KCNQ5: variants seen among roughly 807,000 people sequenced by gnomAD.
The protein encoded by KCNQ5 is potassium voltage-gated channel subfamily KQT member 5.
KCNQ5 carries 30 observed loss-of-function variants against 98.2 expected under a neutral mutation model. The observed-to-expected ratio is 0.31, with a 90% confidence interval of 0.23 to 0.41. The LOEUF (loss-of-function observed/expected upper bound fraction) is 0.41. KCNQ5 is among the 10% of genes least tolerant of loss of function. KCNQ5 has a pLI of 1.00. For synonymous variants in KCNQ5, 458 were observed against 449.4 expected, an observed-to-expected ratio of 1.02 and a Z score of -0.24; for missense variants, 835 against 1,182.5, an observed-to-expected ratio of 0.71 and a Z score of 4.31.
chr6:72,689,325 C>G (rs1008915608), intron 1 of KCNQ5, among the ~76,000 whole-genome samples: 1 of 152,170 alleles, frequency 6.6e-6, no homozygotes, highest in Non-Finnish European at 1.5e-5. Flanking sequence ...AGCCTTCACA[C>G]AGAAAAAACA....
At chr6:72,652,300 A>G (rs1185905625) in intron 1 of KCNQ5, among the ~76,000 whole-genome samples, 1 of 151,078 alleles carries the variant, frequency 6.6e-6, no homozygotes, top group East Asian at 1.9e-4. Context: ...TTTTAGTTAG[A>G]TGTTTCAGAA....
chr6:72,961,865 C>T (rs1250577275), intron 1 of KCNQ5, among the ~76,000 whole-genome samples: 4 of 151,716 alleles, frequency 2.6e-5, no homozygotes, highest in Non-Finnish European at 5.9e-5. Flanking sequence ...AACCTAAAAC[C>T]ACATGTTCTC....
At chr6:73,116,520 T>G (rs923396088) in intron 7 of KCNQ5, among the ~76,000 whole-genome samples, 1 of 151,894 alleles carries the variant, frequency 6.6e-6, no homozygotes. Context: ...TTTTAAAAAG[T>G]CAAGTGCAAT....
chr6:72,750,601 TTAAA>T (rs775363326), intron 1 of KCNQ5, among the ~76,000 whole-genome samples: 2,687 of 152,164 alleles, frequency 0.018, 41 homozygotes, highest in Middle Eastern at 0.048. Flanking sequence ...GTTCACTTGA[TTAAA>T]AAGGTGACAA....
intron 2 of KCNQ5, among the ~76,000 whole-genome samples, chr6:73,013,131 A>G (rs1033757364): frequency 6.6e-6 from 1 of 152,120 alleles, no homozygotes; most frequent in African/African-American, 2.4e-5. Context: ...TCTCACCGCA[A>G]TCACTGTTAA....
chr6:73,083,357 G>A (rs7767020), intron 5 of KCNQ5, among the ~76,000 whole-genome samples: 151,206 of 152,298 alleles, frequency 0.99, 75,069 homozygotes, highest in Middle Eastern at 1. Context: ...TACTAAATAT[G>A]CTAAAATACT....
intron 2 of KCNQ5, among the ~76,000 whole-genome samples, chr6:73,019,371 A>G (rs1019024058): frequency 2.6e-5 from 4 of 152,154 alleles, no homozygotes; most frequent in African/African-American, 7.2e-5. Flanking sequence ...CCAGCAATGT[A>G]TATATGGCAT....
At chr6:72,861,579 G>T (rs184517310) in intron 1 of KCNQ5, among the ~76,000 whole-genome samples, 3 of 152,164 alleles carry the variant, frequency 2.0e-5, no homozygotes, top group Admixed American at 1.3e-4. Context: ...TCCTTAGTGT[G>T]TGTCTGGATA....
intron 9 of KCNQ5, among the ~76,000 whole-genome samples, chr6:73,128,222 T>C (rs1374505616): frequency 1.3e-5 from 2 of 152,238 alleles, no homozygotes; most frequent in Non-Finnish European, 2.9e-5. Context: ...TGCTGTTTTT[T>C]CCTCTACTCC....
At chr6:72,741,981 G>A (rs971753485) in intron 1 of KCNQ5, among the ~76,000 whole-genome samples, 1 of 152,158 alleles carries the variant, frequency 6.6e-6, no homozygotes. Flanking sequence ...AAGTAACTTG[G>A]TCATGCTACT....
intron 1 of KCNQ5, among the ~76,000 whole-genome samples, chr6:72,879,999 A>T (rs778005622): frequency 1.3e-5 from 2 of 152,084 alleles, no homozygotes; most frequent in Admixed American, 1.3e-4. Context: ...ACAACTCTCT[A>T]CTTCCTGATT....
intron 9 of KCNQ5, among the ~76,000 whole-genome samples, chr6:73,125,181 C>T (rs1185713656): frequency 6.6e-6 from 1 of 151,282 alleles, no homozygotes; most frequent in African/African-American, 2.4e-5. Flanking sequence ...AGGAAGAAGA[C>T]AACCCTCCCA....
chr6:72,729,006 G>A (rs1449115298), intron 1 of KCNQ5, among the ~76,000 whole-genome samples: 1 of 151,920 alleles, frequency 6.6e-6, no homozygotes, highest in African/African-American at 2.4e-5. Flanking sequence ...TTTACACACA[G>A]AATAGTAGTA....
chr6:72,630,537 A>G (rs1261327722), intron 1 of KCNQ5: 1 of 152,236 alleles, frequency 6.6e-6, no homozygotes, highest in Non-Finnish European at 1.5e-5. Flanking sequence ...AAAGAAATCC[A>G]TTGGAGAATA....
intron 1 of KCNQ5, among the ~76,000 whole-genome samples, chr6:72,655,280 C>A (rs1306186538): frequency 6.6e-6 from 1 of 151,854 alleles, no homozygotes; most frequent in Non-Finnish European, 1.5e-5. Flanking sequence ...GCTGCTAGAT[C>A]AGTTCAAATC....
At chr6:72,792,634 A>G (rs949495247) in intron 1 of KCNQ5, among the ~76,000 whole-genome samples, 6 of 152,202 alleles carry the variant, frequency 3.9e-5, no homozygotes, top group African/African-American at 1.4e-4. Context: ...GGTGTTTTAT[A>G]TGCCTTAAAA....
At chr6:73,179,959 C>T (rs966477130) in intron 11 of KCNQ5, among the ~76,000 whole-genome samples, 1 of 152,002 alleles carries the variant, frequency 6.6e-6, no homozygotes, top group Non-Finnish European at 1.5e-5. Flanking sequence ...GCATCTAGCA[C>T]AGAAGCTGGC....
chr6:73,186,324 C>T (rs1421000315), intron 11 of KCNQ5, among the ~76,000 whole-genome samples: 1 of 152,202 alleles, frequency 6.6e-6, no homozygotes, highest in African/African-American at 2.4e-5. Flanking sequence ...TCATATCTCA[C>T]TTTGAATCTC....
chr6:73,188,321 A>T lies in KCNQ5; in HGVS notation c.1578-2252A>T, dbSNP rs527788730. 3.3e-5 allele frequency among the ~76,000 whole-genome samples: 5 copies of T among 152,374 alleles called. No individual in the cohort carries two copies. The East Asian group carries it at 7.7e-4, about 23-fold the overall frequency. The stretch of plus-strand genomic sequence containing the variant: ...AGGAATATCTTATCAAGTGCTATTG[A>T]AGACATACAAAGTACTTCACATAAC... On this transcript the variant is annotated intron_variant, in intron 11 of 13. Transcript: ENST00000370398.
Sources: gnomAD v4.1 joint callset for allele counts (sites outside exome capture counted in the v4.1 genomes callset) on GRCh38, gnomAD v4.1.1 for gene constraint, MANE v1.5 for transcripts, NCBI Gene and HGNC (gene_info 2026-07-23, HGNC 2026-07-21) for gene names.